TLE6: variants seen among roughly 807,000 people sequenced by gnomAD.
TLE6 encodes transducin-like enhancer protein 6.
A neutral mutation model predicts 77.1 loss-of-function variants in TLE6; 72 were observed. The ratio of observed to expected loss-of-function variants is 0.93; its 90% confidence interval spans 0.77 to 1.14. The LOEUF is 1.14. Ranked by LOEUF, TLE6 falls within the 50% of genes most tolerant of loss-of-function variation. The pLI is 0.00. For synonymous variants in TLE6, 366 were observed against 287.3 expected, an observed-to-expected ratio of 1.27 and a Z score of -2.77; for missense variants, 843 against 747.6, an observed-to-expected ratio of 1.13 and a Z score of -1.49.
intron 13 of TLE6, among the ~76,000 whole-genome samples, chr19:2,990,506 AGGCAGGAG>A (rs1486655699): frequency 6.6e-6 from 1 of 150,860 alleles, no homozygotes; most frequent in Admixed American, 6.6e-5. Flanking sequence ...CGGGAGGCTG[AGGCAGGAG>A]AATCCCTTGA....
Position 2,986,844 on chromosome 19 carries a change from C to A in TLE6, c.238C>A (p.Gln80Lys). ...CTCCTTCTAGATAGGAAACGTCTTA[C>A]AGATTGTGGAGAGCTGCAGCCAACT... ...EHHKQIGNVL[Q>K]IVESCSQLQG... Residue 80 changes from glutamine to lysine, a missense_variant, in exon 6 of 17, where the codon CAG (glutamine) becomes AAG (lysine). Physicochemically the swap from Gln to Lys is moderately conservative, Grantham distance 53. Coordinates refer to ENST00000246112, the MANE Select transcript of TLE6 (RefSeq NM_001143986.2). The A allele has an allele frequency of 1.9e-6, 3 of 1,551,706 alleles. No homozygotes were observed. The highest frequency in any genetic ancestry group is 2.6e-6 in the Non-Finnish European group (3 of 1,146,994).
chr19:2,978,882 TAGGCTCTC>T (rs2145010323), intron 2 of TLE6, among the ~76,000 whole-genome samples: 1 of 152,306 alleles, frequency 6.6e-6, no homozygotes, highest in South Asian at 2.1e-4. Context: ...TTTGTAAATT[TAGGCTCTC>T]AGGGCTGAGC....
Position 2,994,887 on chromosome 19 carries a change from G to A in TLE6, c.1615-13G>A. 1.3e-6 allele frequency: 2 copies of A among 1,556,344 alleles called. No individual in the cohort carries two copies. Among genetic ancestry groups the A allele is most frequent in the Non-Finnish European group, 1.8e-6 (2 of 1,141,318 alleles). On this transcript the variant is annotated splice_polypyrimidine_tract_variant and intron_variant, in intron 16 of 16. Coordinates refer to ENST00000246112, the MANE Select transcript of TLE6 (RefSeq NM_001143986.2). ...GCCCTACCCCAGCTCACTGCCCACT[G>A]CCCCCCCTCCAGGTGCCTGAGATGT...
chr19:2,989,161 C>A lies in TLE6; in HGVS notation c.841C>A (p.Arg281=), dbSNP rs375035546. The change falls in exon 12 of 17, where the codon CGG becomes AGG. Residue 281 remains arginine, a synonymous_variant. Coordinates refer to ENST00000246112, the MANE Select transcript of TLE6 (RefSeq NM_001143986.2). ...LAVPCKLEKM[R]ILAHGELVLA... The stretch of plus-strand genomic sequence containing the variant: ...CGTCCCGTGCAAACTGGAAAAGATG[C>A]GGATCTTGGCACACGGGGAGCTCGT... 1.3e-5 allele frequency: 21 copies of A among 1,614,034 alleles called. No individual in the cohort carries two copies. The highest frequency in any genetic ancestry group is 1.8e-5 in the Non-Finnish European group (21 of 1,180,068).
At position 2,994,819 on chromosome 19, in the gene TLE6, T is replaced by C. The variant is rs2089172716; in HGVS notation, c.1615-81T>C. 6 of 754,410 alleles carry C rather than the reference T, an allele frequency of 8.0e-6. No homozygotes were observed. In the South Asian group the frequency reaches 1.0e-4, roughly 13 times the overall value. 46.7% of individuals were successfully genotyped at this position (754,410 alleles called of 1,614,324 possible). A position where few individuals can be genotyped will look rare whatever the true frequency, so the allele number is the denominator to read the frequency against. On this transcript the variant is annotated intron_variant, in intron 16 of 16. Transcript: ENST00000246112. ...ACCCTGTCTTTCTTTGAAGAGACGATGCTTCATGCTTGAGCTGACAGGTGG... is the reference window on the plus strand; with the variant it reads ...ACCCTGTCTTTCTTTGAAGAGACGACGCTTCATGCTTGAGCTGACAGGTGG...
Position 2,988,523 on chromosome 19 carries a change from G to A in TLE6, c.740+395G>A, listed in dbSNP as rs375131766. On this transcript the variant is annotated intron_variant, in intron 11 of 16. Coordinates refer to ENST00000246112, the MANE Select transcript of TLE6 (RefSeq NM_001143986.2). ...TGAGGCAGGAGAATGGCGTGAACCC[G>A]GGAGGTGGAGGTTGCAGTGAGTTGA... 3.2e-4 allele frequency among the ~76,000 whole-genome samples: 49 copies of A among 152,198 alleles called. 1 individual carries two copies. In the South Asian group the frequency reaches 4.8e-3, roughly 15 times the overall value.
Position 2,989,264 on chromosome 19 carries a change from CTG to C in TLE6, c.945_946del (p.Gly316ThrfsTer4), listed in dbSNP as rs1330637956. ...AGAGGCATCAAGGTGTGGAGCCTGACTGGACAGGTGGCTGAGGACAGGTTCCC... is the reference window on the plus strand; with the variant it reads ...AGAGGCATCAAGGTGTGGAGCCTGACGACAGGTGGCTGAGGACAGGTTCCC... On this transcript the variant is annotated frameshift_variant, in exon 12 of 17. Transcript: ENST00000246112. LOFTEE classifies it high-confidence loss of function. The C allele has an allele frequency of 6.2e-7, 1 of 1,613,776 alleles. No homozygotes were observed. The highest frequency in any genetic ancestry group is 1.7e-5 in the Admixed American group (1 of 60,024).
rs1356848041 is a variant in TLE6, at chr19:2,984,873, A to T, written c.223-1956A>T. ...ACTGGATGGTATTGATCTCGATTTT[A>T]TTCTGTTTACTGAGAAACTACATTT... On this transcript the variant is annotated intron_variant, in intron 5 of 16. Transcript: ENST00000246112. Among the ~76,000 whole-genome samples, 3 of 152,170 alleles carry T rather than the reference A, an allele frequency of 2.0e-5. No individual in the cohort carries two copies. The East Asian group carries it at 5.8e-4, about 29-fold the overall frequency.
intron 16 of TLE6, 119 bp from the exon 17 acceptor site, chr19:2,994,781 G>A (rs2089171785): frequency 3.5e-6 from 2 of 579,506 alleles, no homozygotes; most frequent in African/African-American, 3.7e-5. Context: ...TCCAGCCTGG[G>A]CAACAGAGCA....
chr19:2,993,334 T>C, intron 14 of TLE6, 98 bp from the exon 15 acceptor site: 2 of 1,325,366 alleles, frequency 1.5e-6, no homozygotes, highest in Non-Finnish European at 2.0e-6. Flanking sequence ...AAGGGGTCAG[T>C]CACCCGGCCT....
At chr19:2,986,534 T>G (rs1294372688) in intron 5 of TLE6, among the ~76,000 whole-genome samples, 1 of 151,724 alleles carries the variant, frequency 6.6e-6, no homozygotes, top group Non-Finnish European at 1.5e-5. Flanking sequence ...GCCAACATGG[T>G]GAAACCCCAT....
Position 2,995,056 on chromosome 19 carries a change from T to TCCC in TLE6, c.*60_*62dup, listed in dbSNP as rs141348286. ...CGGCTCCTCTTTTCATCCCCCCCCT[T>TCCC]CCCCCCCCCCAACAAGGGGGACATG... On this transcript the variant is annotated 3_prime_UTR_variant, in exon 17 of 17. Transcript: ENST00000246112. 6.1e-3 allele frequency: 5,014 copies of TCCC among 826,282 alleles called. 8 individuals are homozygous for TCCC. The highest frequency in any genetic ancestry group is 9.0e-3 in the Admixed American group (384 of 42,634). The allele number at this position is 826,282 out of a possible 1,614,324, so 51.2% of individuals were successfully genotyped here.
Position 2,982,183 on chromosome 19 carries a change from C to T in TLE6, c.216C>T (p.His72=). 4 of 1,551,384 alleles carry T rather than the reference C, an allele frequency of 2.6e-6. No individual in the cohort carries two copies. Among genetic ancestry groups the T allele is most frequent in the South Asian group, 1.2e-5 (1 of 84,034 alleles). ...TCCAGCAGGATGTGGCAGAACATCACAAGCAGGTGGGTGACCAGGAGCTCA... is the reference window on the plus strand; with the variant it reads ...TCCAGCAGGATGTGGCAGAACATCATAAGCAGGTGGGTGACCAGGAGCTCA... ...HKIQQDVAEH[H]KQIGNVLQIV... is the part of the protein sequence containing the mutation. Residue 72 remains histidine (H), a synonymous_variant, in exon 5 of 17, where the codon CAC becomes CAT. Coordinates refer to ENST00000246112, the MANE Select transcript of TLE6 (RefSeq NM_001143986.2).
intron 11 of TLE6, 105 bp downstream of exon 11, chr19:2,988,233 ACTTT>A: frequency 8.3e-7 from 1 of 1,202,608 alleles, no homozygotes; most frequent in Non-Finnish European, 1.2e-6. Context: ...GAGGTGTAAG[ACTTT>A]CTTCCCCTTT....
chr19:2,987,911 T>C lies in TLE6; in HGVS notation c.639T>C (p.Pro213=). 6.2e-7 allele frequency: 1 copy of C among 1,609,628 alleles called. No homozygotes were observed. ...CPEDASTPRP[P]EASSSPPEGS... The stretch of plus-strand genomic sequence containing the variant: ...TCTCCCCACTAGCCCCCAGGCCACC[T>C]GAGGCCTCCTCCAGTCCCCCTGAGG... Residue 213 remains proline (P), a synonymous_variant, in exon 10 of 17, where the codon CCT becomes CCC. Coordinates refer to ENST00000246112, the MANE Select transcript of TLE6 (RefSeq NM_001143986.2).
chr19:2,983,189 AC>A (rs1281652448), intron 5 of TLE6, among the ~76,000 whole-genome samples: 1 of 152,078 alleles, frequency 6.6e-6, no homozygotes, highest in African/African-American at 2.4e-5. Context: ...CCAGGAAGCA[AC>A]CAAAACATGG....
chr19:2,983,627 G>T (rs377638999), intron 5 of TLE6, among the ~76,000 whole-genome samples: 3 of 149,058 alleles, frequency 2.0e-5, no homozygotes, highest in South Asian at 4.2e-4. Flanking sequence ...AGAGGAGGAG[G>T]GGGGGAGGGC....
At chr19:2,977,996 G>C (rs2088712537) in intron 1 of TLE6, among the ~76,000 whole-genome samples, 1 of 151,978 alleles carries the variant, frequency 6.6e-6, no homozygotes, top group Admixed American at 6.6e-5. Flanking sequence ...AGTTCTTTCT[G>C]GGTCCCCGCC....
intron 5 of TLE6, among the ~76,000 whole-genome samples, chr19:2,985,235 G>C (rs2088882418): frequency 6.6e-6 from 1 of 151,822 alleles, no homozygotes; most frequent in African/African-American, 2.4e-5. Context: ...GGGCGACAGA[G>C]CAAGACTGTC....
Sources: allele counts gnomAD v4.1 joint callset (sites outside exome capture counted in the v4.1 genomes callset), GRCh38; gene constraint gnomAD v4.1.1; transcripts MANE v1.5; gene names NCBI Gene and HGNC (gene_info 2026-07-23, HGNC 2026-07-21).